Variants in AGMO observed in about 807,000 individuals in gnomAD.
The protein encoded by AGMO is alkylglycerol monooxygenase, also known as glyceryl-ether monooxygenase.
AGMO carries 75 observed loss-of-function variants against 60.2 expected under a neutral mutation model. The observed-to-expected ratio is 1.25, with a 90% CI of 1.03 to 1.51. AGMO has a LOEUF of 1.51. Ranked by LOEUF, AGMO falls within the 40% of genes most tolerant of loss-of-function variation. The probability of loss-of-function intolerance (pLI) is 0.00; values close to 1 mark genes in which losing one functional copy is unlikely to be tolerated. For synonymous variants in AGMO, 261 were observed against 177.1 expected (o/e 1.47, Z -3.76); for missense variants, 763 against 525.5 (o/e 1.45, Z -4.42).
At chr7:15,394,984 C>A (rs1784312422) in intron 5 of AGMO, among the ~76,000 whole-genome samples, 1 of 152,098 alleles carries the variant, frequency 6.6e-6, no homozygotes, top group Non-Finnish European at 1.5e-5. Context: ...TCATAGAAAC[C>A]AGGTAGGTGT....
rs558215834 is a variant in AGMO at position 15,310,829 on chromosome 7, G to C, written c.1263+54685C>G. ...GTTGGCAGGGCTGTGTTCCTTTCTGGTGGCACTAAGGGAGAATCTGTTTCT... is the reference window on the plus strand; with the variant it reads ...GTTGGCAGGGCTGTGTTCCTTTCTGCTGGCACTAAGGGAGAATCTGTTTCT... On this transcript the variant is annotated intron_variant, in intron 12 of 12. Transcript: ENST00000342526. Among the ~76,000 whole-genome samples the C allele has an allele frequency of 3.2e-4, 48 of 152,226 alleles. No homozygotes were observed. The South Asian group carries it at 9.8e-3, about 31-fold the overall frequency.
At chr7:15,551,306 A>C (rs2115298208) in intron 2 of AGMO, among the ~76,000 whole-genome samples, 1 of 151,812 alleles carries the variant, frequency 6.6e-6, no homozygotes, top group South Asian at 2.1e-4. Context: ...TAGTGTTGGA[A>C]GTTCTGGCCA....
At position 15,531,432 on chromosome 7, in the gene AGMO, A is replaced by G. The variant is rs1236886735; in HGVS notation, c.409+13340T>C. Among the ~76,000 whole-genome samples, 59 of 55,982 alleles carry G rather than the reference A, an allele frequency of 1.1e-3. 4 individuals carry two copies. The highest frequency in any genetic ancestry group is 1.6e-3 in the Non-Finnish European group (53 of 33,874). The allele number at this position is 55,982 out of a possible 152,430, so 36.7% of individuals were successfully genotyped here. A position where few individuals can be genotyped will look rare whatever the true frequency, so the allele number is the denominator to read the frequency against. ...TATATATATTCTATATATATTCTAT[A>G]TATATATTCTATATATATTCTCTAT... On this transcript the variant is annotated intron_variant, in intron 3 of 12. Coordinates refer to ENST00000342526, the MANE Select transcript of AGMO (RefSeq NM_001004320.2).
the AGMO span, among the ~76,000 whole-genome samples, chr7:15,155,419 C>CTTTTT: frequency 1.7e-3 from 111 of 63,938 alleles, no homozygotes; most frequent in Non-Finnish European, 1.9e-3. Context: ...TACAGAATTT[C>CTTTTT]TTTTTTTTTT....
At chr7:15,560,376 C>A in intron 1 of AGMO, 105 bp from the exon 2 acceptor site, 1 of 1,249,454 alleles carries the variant, frequency 8.0e-7, no homozygotes, top group Non-Finnish European at 1.1e-6. Context: ...ATTTGGGAAG[C>A]CCTGCAGGAG....
At chr7:15,390,520 TAA>T (rs1490897574) in intron 8 of AGMO, 149 bp downstream of exon 8, 2 of 507,370 alleles carry the variant, frequency 3.9e-6, no homozygotes, top group Non-Finnish European at 6.9e-6. Context: ...TTTGCTTGTG[TAA>T]CAAAGAGTTA....
chr7:15,447,711 T>C (rs1011362916), intron 3 of AGMO, among the ~76,000 whole-genome samples: 1 of 151,840 alleles, frequency 6.6e-6, no homozygotes, highest in Non-Finnish European at 1.5e-5. Flanking sequence ...CCACCACACC[T>C]GGCTAAATTT....
intron 3 of AGMO, among the ~76,000 whole-genome samples, chr7:15,487,053 G>C (rs1782943168): frequency 6.6e-6 from 1 of 152,074 alleles, no homozygotes; most frequent in Admixed American, 6.6e-5. Context: ...AGCAAAGTTA[G>C]GAATTAGTAA....
intron 3 of AGMO, among the ~76,000 whole-genome samples, chr7:15,516,285 AT>A (rs1214400388): frequency 6.6e-6 from 1 of 152,148 alleles, no homozygotes; most frequent in Non-Finnish European, 1.5e-5. Context: ...CATGTACAAA[AT>A]CCCCCAATTA....
intron 5 of AGMO, among the ~76,000 whole-genome samples, chr7:15,418,337 C>G (rs569771993): frequency 6.6e-6 from 1 of 151,876 alleles, no homozygotes; most frequent in East Asian, 1.9e-4. Flanking sequence ...CTTAATAGTT[C>G]AAAAAATTGT....
At chr7:15,484,103 T>C (rs1046657830) in intron 3 of AGMO, among the ~76,000 whole-genome samples, 5 of 152,094 alleles carry the variant, frequency 3.3e-5, no homozygotes, top group African/African-American at 1.2e-4. Context: ...GAAGATATCA[T>C]CAAAGAGCCT....
intron 2 of AGMO, among the ~76,000 whole-genome samples, chr7:15,557,257 T>C (rs1785169753): frequency 2.0e-5 from 3 of 152,150 alleles, no homozygotes; most frequent in Admixed American, 2.0e-4. Context: ...GCCACATGCT[T>C]ATTTGGAATT....
At chr7:15,298,116 CTTTG>C (rs951383805) in intron 12 of AGMO, among the ~76,000 whole-genome samples, 5 of 152,200 alleles carry the variant, frequency 3.3e-5, no homozygotes, top group East Asian at 3.9e-4. Flanking sequence ...GTTATGTCCT[CTTTG>C]TTTATCTTTA....
In AGMO at chr7:15,431,050, T is replaced by A. The variant is rs1562503490; in HGVS notation, c.468A>T (p.Leu156Phe). The A allele has an allele frequency of 6.2e-7, 1 of 1,611,312 alleles. No individual in the cohort carries two copies. Among genetic ancestry groups the A allele is most frequent in the Non-Finnish European group, 8.5e-7 (1 of 1,178,212 alleles). ...QTHHSSEDYN[L>F]STALRQSVLQ... Reference sequence around the variant, plus strand: ...GGACAGACTGTCTCAGTGCTGTGGATAAGTTATAGTCTTCAGAACTATGAT... The same window carrying A: ...GGACAGACTGTCTCAGTGCTGTGGAAAAGTTATAGTCTTCAGAACTATGAT... Residue 156 changes from leucine (L) to phenylalanine (F), a missense_variant, in exon 4 of 13, where the codon TTA (leucine) becomes TTT (phenylalanine). Physicochemically the swap from Leu to Phe is conservative, Grantham distance 22. Coordinates refer to ENST00000342526, the MANE Select transcript of AGMO (RefSeq NM_001004320.2).
At chr7:15,213,636 T>C (rs1045630419) in intron 12 of AGMO, among the ~76,000 whole-genome samples, 1 of 151,896 alleles carries the variant, frequency 6.6e-6, no homozygotes, top group African/African-American at 2.4e-5. Context: ...TGGCAAAGAA[T>C]GGAAGAGACA....
chr7:15,381,456 C>G (rs545215891), intron 10 of AGMO, among the ~76,000 whole-genome samples: 1 of 151,978 alleles, frequency 6.6e-6, no homozygotes, highest in African/African-American at 2.4e-5. Context: ...TAGAGAAATG[C>G]AAATCAAAAC....
intron 12 of AGMO, among the ~76,000 whole-genome samples, chr7:15,364,113 T>A (rs747594663): frequency 6.6e-6 from 1 of 151,988 alleles, no homozygotes; most frequent in Non-Finnish European, 1.5e-5. Flanking sequence ...CTTCACGGTT[T>A]AAATTCACAT....
intron 10 of AGMO, among the ~76,000 whole-genome samples, chr7:15,384,341 T>C (rs1050324187): frequency 3.9e-5 from 6 of 152,236 alleles, no homozygotes; most frequent in African/African-American, 1.2e-4. Context: ...TTTTAATTAC[T>C]TTAAAAATGA....
At chr7:15,559,288 A>G (rs555847673) in intron 2 of AGMO, among the ~76,000 whole-genome samples, 18 of 152,228 alleles carry the variant, frequency 1.2e-4, no homozygotes, top group Admixed American at 7.9e-4. Context: ...TGTGCAAGCT[A>G]GCAGGAAGGG....
Sources: gnomAD v4.1 joint callset for allele counts (sites outside exome capture counted in the v4.1 genomes callset) on GRCh38, gnomAD v4.1.1 for gene constraint, MANE v1.5 for transcripts, NCBI Gene and HGNC (gene_info 2026-07-23, HGNC 2026-07-21) for gene names.